HDAC9: variants seen among roughly 807,000 people sequenced by gnomAD.
HDAC9 encodes the protein histone deacetylase 9.
In HDAC9, 41 loss-of-function variants were observed where a neutral mutation model predicts 139.4. The ratio of observed to expected loss-of-function variants is 0.29; its 90% CI spans 0.23 to 0.38. The LOEUF (loss-of-function observed/expected upper bound fraction) is 0.38, where lower values mean the gene tolerates loss of function less well. Ranked by LOEUF, HDAC9 falls within the 10% of genes least tolerant of loss-of-function variation. The pLI, the probability that HDAC9 is intolerant of heterozygous loss-of-function variation, is 1.00. For missense variants in HDAC9, 1,147 were observed against 1,297.0 expected, an observed-to-expected ratio of 0.88 and a Z score of 1.78; for synonymous variants, 517 against 476.2, an observed-to-expected ratio of 1.09 and a Z score of -1.12.
intron 17 of HDAC9, among the ~76,000 whole-genome samples, chr7:18,828,888 C>T (rs1280013219): frequency 6.6e-6 from 1 of 152,220 alleles, no homozygotes; most frequent in Non-Finnish European, 1.5e-5. Flanking sequence ...AGCTGACATG[C>T]ATGTTTGCCA....
At chr7:18,715,543 A>G (rs1404809506) in intron 12 of HDAC9, among the ~76,000 whole-genome samples, 1 of 152,124 alleles carries the variant, frequency 6.6e-6, no homozygotes, top group Non-Finnish European at 1.5e-5. Flanking sequence ...GAAAAATGTG[A>G]TTCTCCTAAT....
At chr7:18,884,221 A>G (rs376939202) in intron 22 of HDAC9, among the ~76,000 whole-genome samples, 21 of 152,328 alleles carry the variant, frequency 1.4e-4, no homozygotes, top group African/African-American at 5.1e-4. Flanking sequence ...TGGAACCACA[A>G]AAGACCCTGA....
At chr7:18,366,810 A>T (rs1784215859) in intron 1 of HDAC9, among the ~76,000 whole-genome samples, 1 of 152,016 alleles carries the variant, frequency 6.6e-6, no homozygotes, top group African/African-American at 2.4e-5. Flanking sequence ...ATTCAAATGT[A>T]TTGACTCTCC....
chr7:18,964,481 A>G (rs1783723896), intron 24 of HDAC9, among the ~76,000 whole-genome samples: 1 of 152,240 alleles, frequency 6.6e-6, no homozygotes, highest in African/African-American at 2.4e-5. Context: ...CTATGAAAGT[A>G]TCCACATTCC....
intron 22 of HDAC9, among the ~76,000 whole-genome samples, chr7:18,922,883 TA>T (rs1212652105): frequency 6.6e-6 from 1 of 152,036 alleles, no homozygotes; most frequent in Non-Finnish European, 1.5e-5. Flanking sequence ...TTTATGGTAA[TA>T]AAAATCGACA....
chr7:18,100,213 T>G (rs1400218063), intron 1 of HDAC9, among the ~76,000 whole-genome samples: 1 of 152,204 alleles, frequency 6.6e-6, no homozygotes, highest in Non-Finnish European at 1.5e-5. Context: ...TTTATAGATA[T>G]CAAGTCCTAT....
At chr7:18,968,039 G>C (rs533582515) in intron 24 of HDAC9, among the ~76,000 whole-genome samples, 1 of 152,062 alleles carries the variant, frequency 6.6e-6, no homozygotes, top group Admixed American at 6.5e-5. Context: ...GCATATGCCC[G>C]TAATCCCAGC....
intron 2 of HDAC9, among the ~76,000 whole-genome samples, chr7:18,499,503 T>G (rs1797815172): frequency 6.6e-6 from 1 of 152,068 alleles, no homozygotes; most frequent in African/African-American, 2.4e-5. Context: ...CATCCCTACT[T>G]TTGTGGCTTG....
intron 1 of HDAC9, among the ~76,000 whole-genome samples, chr7:18,318,280 G>A (rs567520258): frequency 6.6e-6 from 1 of 152,242 alleles, no homozygotes; most frequent in Admixed American, 6.5e-5. Context: ...AATTTTGTAT[G>A]TTTTAATTCA....
intron 21 of HDAC9, among the ~76,000 whole-genome samples, chr7:18,844,678 A>G (rs1796796996): frequency 1.3e-5 from 2 of 152,218 alleles, no homozygotes; most frequent in Admixed American, 1.3e-4. Flanking sequence ...ACAGAAGCCA[A>G]AAGCAAATAA....
At chr7:18,791,615 G>A (rs549970384) in intron 16 of HDAC9, among the ~76,000 whole-genome samples, 2 of 152,056 alleles carry the variant, frequency 1.3e-5, no homozygotes, top group Non-Finnish European at 2.9e-5. Context: ...TGATGGTATC[G>A]ACTATGATAG....
Position 18,136,596 on chromosome 7 carries a change from C to G in HDAC9, c.-96-25633C>G, listed in dbSNP as rs1441913899. Among the ~76,000 whole-genome samples, 3 of 152,136 alleles carry G rather than the reference C, an allele frequency of 2.0e-5. No homozygotes were observed. In the East Asian group the frequency reaches 5.8e-4, roughly 29 times the overall value. On this transcript the variant is annotated intron_variant, in intron 1 of 12. Transcript: ENST00000417496. Reference sequence around the variant, plus strand: ...CATTGCTTGTTTTTCTCAGGTTTGTCAAAGATCAGATAGCTGTAGATATGC... The same window carrying G: ...CATTGCTTGTTTTTCTCAGGTTTGTGAAAGATCAGATAGCTGTAGATATGC...
At chr7:18,359,927 C>G (rs540826270) in intron 1 of HDAC9, among the ~76,000 whole-genome samples, 34 of 152,252 alleles carry the variant, frequency 2.2e-4, no homozygotes, top group African/African-American at 7.5e-4. Context: ...GATTTTCTAA[C>G]CACACTGAAG....
chr7:18,714,620 G>C (rs936629094), intron 12 of HDAC9, among the ~76,000 whole-genome samples: 2 of 152,120 alleles, frequency 1.3e-5, no homozygotes, highest in Admixed American at 6.6e-5. Flanking sequence ...TGTCTACATG[G>C]AACATTCTTC....
intron 21 of HDAC9, among the ~76,000 whole-genome samples, chr7:18,858,959 A>G (rs1009954711): frequency 6.6e-6 from 1 of 152,184 alleles, no homozygotes; most frequent in South Asian, 2.1e-4. Flanking sequence ...AGCACTTAGA[A>G]ACACTATTTT....
At chr7:18,279,678 C>G (rs528671145) in intron 2 of HDAC9, among the ~76,000 whole-genome samples, 1 of 151,868 alleles carries the variant, frequency 6.6e-6, no homozygotes, top group Non-Finnish European at 1.5e-5. Context: ...GTTGGCCAGG[C>G]TGGTCTTAAA....
intron 2 of HDAC9, among the ~76,000 whole-genome samples, chr7:18,278,759 G>A (rs1469575): frequency 0.38 from 58,314 of 152,006 alleles, 12,650 homozygotes; most frequent in Admixed American, 0.51. Context: ...GTGAATTTAT[G>A]CATATGAAGG....
chr7:18,775,264 G>A (rs924226001), intron 16 of HDAC9, among the ~76,000 whole-genome samples: 1 of 152,072 alleles, frequency 6.6e-6, no homozygotes, highest in African/African-American at 2.4e-5. Context: ...TTACCAAAAT[G>A]TGACACAGAG....
chr7:18,541,410 C>T (rs1812907176), intron 2 of HDAC9, among the ~76,000 whole-genome samples: 1 of 152,104 alleles, frequency 6.6e-6, no homozygotes, highest in Non-Finnish European at 1.5e-5. Context: ...CTTGCCATAT[C>T]TGTCCACATG....
Sources: allele counts gnomAD v4.1 joint callset (sites outside exome capture counted in the v4.1 genomes callset), GRCh38; gene constraint gnomAD v4.1.1; transcripts MANE v1.5; gene names NCBI Gene and HGNC (gene_info 2026-07-23, HGNC 2026-07-21).